KCNJ6: variants seen among roughly 807,000 people sequenced by gnomAD.
KCNJ6 encodes the protein G protein-activated inward rectifier potassium channel 2.
Under a neutral mutation model 34.2 loss-of-function variants are expected in KCNJ6, and 9 were observed. The observed-to-expected ratio is 0.26, with a 90% confidence interval of 0.16 to 0.46. The LOEUF (loss-of-function observed/expected upper bound fraction) is 0.46, where lower values mean the gene tolerates loss of function less well. KCNJ6 is among the 20% of genes least tolerant of loss of function. The pLI is 1.00. For missense variants in KCNJ6, 236 were observed against 531.3 expected (o/e 0.44, Z 5.46); for synonymous variants, 196 against 207.1 (o/e 0.95, Z 0.46).
intron 2 of KCNJ6, among the ~76,000 whole-genome samples, chr21:37,817,988 G>A (rs1026686825): frequency 6.6e-6 from 1 of 152,120 alleles, no homozygotes; most frequent in Non-Finnish European, 1.5e-5. Context: ...CTTTTCAGAA[G>A]CCCCATCTGC....
chr21:37,821,554 C>G (rs73411875), intron 2 of KCNJ6, among the ~76,000 whole-genome samples: 3,636 of 152,216 alleles, frequency 0.024, 145 homozygotes, highest in African/African-American at 0.082. Context: ...CCCTGCCCCC[C>G]CAACAGGCCC....
chr21:37,743,690 C>T (rs2054952340), intron 2 of KCNJ6, among the ~76,000 whole-genome samples: 1 of 152,020 alleles, frequency 6.6e-6, no homozygotes, highest in African/African-American at 2.4e-5. Flanking sequence ...AGACTTGCAG[C>T]CTCCAGAATT....
chr21:37,717,839 A>G (rs750573769), intron 2 of KCNJ6, among the ~76,000 whole-genome samples: 1 of 152,182 alleles, frequency 6.6e-6, no homozygotes, highest in Non-Finnish European at 1.5e-5. Flanking sequence ...TCAGTGATAT[A>G]TCATACTTAA....
intron 3 of KCNJ6, among the ~76,000 whole-genome samples, chr21:37,677,646 G>C (rs1326041164): frequency 6.6e-6 from 1 of 151,646 alleles, no homozygotes; most frequent in African/African-American, 2.4e-5. Flanking sequence ...AATTATTTTT[G>C]TTTGACTATT....
chr21:37,663,355 A>G (rs1257809397), intron 3 of KCNJ6, among the ~76,000 whole-genome samples: 1 of 152,174 alleles, frequency 6.6e-6, no homozygotes, highest in African/African-American at 2.4e-5. Context: ...GAGAGGCCTA[A>G]TAGTTTTCCC....
chr21:37,799,202 T>C (rs1204545076), intron 2 of KCNJ6, among the ~76,000 whole-genome samples: 1 of 152,182 alleles, frequency 6.6e-6, no homozygotes, highest in African/African-American at 2.4e-5. Context: ...ATTAGTTTGC[T>C]AAGGATAATG....
rs760028165 is a variant in KCNJ6, at chr21:37,613,150, AAAG to A, written c.*12006_*12008del. 1 of 152,238 alleles carries A rather than the reference AAAG, an allele frequency of 6.6e-6. No homozygotes were observed. Among genetic ancestry groups the A allele is most frequent in the Non-Finnish European group, 1.5e-5 (1 of 68,046 alleles). The allele number at this position is 152,238 out of a possible 1,614,324, so 9.4% of individuals were successfully genotyped here. Reference sequence around the variant, plus strand: ...AAAAGACCTGAACAGACACCTCACCAAAGAAGATGTACAGATGGAAAACAAGCA... The same window carrying A: ...AAAAGACCTGAACAGACACCTCACCAAAGATGTACAGATGGAAAACAAGCA... On this transcript the variant is annotated 3_prime_UTR_variant, in exon 4 of 4. Coordinates refer to ENST00000609713, the MANE Select transcript of KCNJ6 (RefSeq NM_002240.5).
chr21:37,874,794 A>C (rs987363044), intron 1 of KCNJ6, among the ~76,000 whole-genome samples: 3 of 152,020 alleles, frequency 2.0e-5, no homozygotes, highest in Non-Finnish European at 4.4e-5. Flanking sequence ...TTCACATTCG[A>C]TCTCTTAGAA....
intron 2 of KCNJ6, among the ~76,000 whole-genome samples, chr21:37,756,267 T>C (rs984106201): frequency 2.6e-5 from 4 of 152,192 alleles, no homozygotes; most frequent in Non-Finnish European, 4.4e-5. Flanking sequence ...ATACCACAGA[T>C]GACCATTCAT....
chr21:37,806,560 A>G (rs928560822), intron 2 of KCNJ6, among the ~76,000 whole-genome samples: 7 of 152,184 alleles, frequency 4.6e-5, no homozygotes, highest in African/African-American at 1.7e-4. Flanking sequence ...AGATTTATTG[A>G]TCAGACAGCT....
chr21:37,698,239 A>C (rs988521636), intron 3 of KCNJ6, among the ~76,000 whole-genome samples: 2 of 152,234 alleles, frequency 1.3e-5, no homozygotes, highest in African/African-American at 4.8e-5. Context: ...AAATGCAAAT[A>C]CACATGCAAA....
intron 2 of KCNJ6, among the ~76,000 whole-genome samples, chr21:37,828,840 C>G (rs1334641317): frequency 6.6e-6 from 1 of 152,234 alleles, no homozygotes; most frequent in Non-Finnish European, 1.5e-5. Flanking sequence ...GATGAGTTAG[C>G]CATCTACTCT....
chr21:37,846,351 CTCTGTGTGTGTGTGTGTGTG>C lies in KCNJ6; in HGVS notation c.-27-5662_-27-5643del, dbSNP rs1382167146. Among the ~76,000 whole-genome samples the C allele has an allele frequency of 3.8e-5, 5 of 129,968 alleles. No homozygotes were observed. In the East Asian group the frequency reaches 9.0e-4, roughly 23 times the overall value. The allele number at this position is 129,968 out of a possible 152,430, so 85.3% of individuals were successfully genotyped here. On this transcript the variant is annotated intron_variant, in intron 1 of 3. Transcript: ENST00000609713. ...TTAGCTCAGAGCTAAGGCTGAGACA[CTCTGTGTGTGTGTGTGTGTG>C]TGTGTGTGTGTGTGTGTGTGTGTGT...
Position 37,612,349 on chromosome 21 carries a change from T to C in KCNJ6, c.*12810A>G, listed in dbSNP as rs1329564909. On this transcript the variant is annotated 3_prime_UTR_variant, in exon 4 of 4. Coordinates refer to ENST00000609713, the MANE Select transcript of KCNJ6 (RefSeq NM_002240.5). ...GGAAAACTACAAAACTGGTGAATGA[T>C]ATCAAAGAAGAACTAAGTAAATACA... The C allele has an allele frequency of 6.6e-6, 1 of 152,248 alleles. No individual in the cohort carries two copies. Among genetic ancestry groups the C allele is most frequent in the African/African-American group, 2.4e-5 (1 of 41,472 alleles). 9.4% of individuals were successfully genotyped at this position (152,248 alleles called of 1,614,324 possible). A position where few individuals can be genotyped will look rare whatever the true frequency, so the allele number is the denominator to read the frequency against.
At chr21:37,872,009 A>G (rs888104826) in intron 1 of KCNJ6, among the ~76,000 whole-genome samples, 5 of 152,320 alleles carry the variant, frequency 3.3e-5, no homozygotes, top group African/African-American at 9.6e-5. Context: ...AGGAAAATAC[A>G]GTTCAGTTTT....
rs182412395 is a variant in KCNJ6, at chr21:37,646,077, G to A, written c.947-20593C>T. On this transcript the variant is annotated intron_variant, in intron 3 of 3. Coordinates refer to ENST00000609713, the MANE Select transcript of KCNJ6 (RefSeq NM_002240.5). The stretch of plus-strand genomic sequence containing the variant: ...TTCGTACATCCTCGTAAATGTATGC[G>A]TAATACATTTAGAAGTCAGAGAGTC... Among the ~76,000 whole-genome samples, 328 of 152,198 alleles carry A rather than the reference G, an allele frequency of 2.2e-3. 1 individual carries two copies. Among genetic ancestry groups the A allele is most frequent in the African/African-American group, 6.4e-3 (267 of 41,524 alleles).
intron 2 of KCNJ6, among the ~76,000 whole-genome samples, chr21:37,798,622 C>T (rs190424316): frequency 2.0e-4 from 31 of 152,312 alleles, no homozygotes; most frequent in Non-Finnish European, 3.7e-4. Flanking sequence ...TGTGCTACAA[C>T]ATAGATGAAC....
intron 2 of KCNJ6, among the ~76,000 whole-genome samples, chr21:37,737,096 G>A (rs1216813684): frequency 6.6e-6 from 1 of 152,114 alleles, no homozygotes; most frequent in East Asian, 1.9e-4. Context: ...ATGTTACGGG[G>A]GGATCTGCAG....
In KCNJ6 at chr21:37,714,413, C is replaced by G. The variant is rs370165848; in HGVS notation, c.744G>C (p.Ser248=). ...GGTTCAACGGGATGAACTCCCCCTC[C>G]GAGGTCTGTTTGGATTTGATCAACT... ...RAKLIKSKQT[S]EGEFIPLNQT... Residue 248 remains serine, a synonymous_variant, in exon 3 of 4, where the codon TCG becomes TCC. Transcript: ENST00000609713. The surrounding 1 kb of genome is among the most constrained non-coding windows in gnomAD (Gnocchi z 5.9). 1 of 1,614,036 alleles carries G rather than the reference C, an allele frequency of 6.2e-7. No homozygotes were observed. The highest frequency in any genetic ancestry group is 8.5e-7 in the Non-Finnish European group (1 of 1,180,022).
Sources: gnomAD v4.1 joint callset for allele counts (sites outside exome capture counted in the v4.1 genomes callset) on GRCh38, gnomAD v4.1.1 for gene constraint, Gnocchi (gnomAD v3.1) non-coding constraint, MANE v1.5 for transcripts, NCBI Gene and HGNC (gene_info 2026-07-23, HGNC 2026-07-21) for gene names.